SLC16A7: variants seen among roughly 807,000 people sequenced by gnomAD.
SLC16A7 encodes solute carrier family 16 member 7, also known as monocarboxylate transporter 2.
SLC16A7 carries 33 observed loss-of-function variants against 34.9 expected under a neutral mutation model. The ratio of observed to expected loss-of-function variants is 0.94; its 90% CI spans 0.72 to 1.26. The LOEUF is 1.26. SLC16A7 is among the 50% of genes most tolerant of loss of function. The pLI, the probability that SLC16A7 is intolerant of heterozygous loss-of-function variation, is 0.00. For synonymous variants in SLC16A7, 201 were observed against 206.6 expected (o/e 0.97, Z 0.23); for missense variants, 573 against 578.1 (o/e 0.99, Z 0.09).
intron 3 of SLC16A7, among the ~76,000 whole-genome samples, chr12:59,724,278 C>T (rs1875974669): frequency 6.6e-6 from 1 of 152,016 alleles, no homozygotes; most frequent in Admixed American, 6.6e-5. Context: ...GGCAACTTTT[C>T]ACCTTTCACA....
At chr12:59,646,759 G>C (rs1009206818) in intron 1 of SLC16A7, among the ~76,000 whole-genome samples, 1 of 152,176 alleles carries the variant, frequency 6.6e-6, no homozygotes, top group African/African-American at 2.4e-5. Context: ...CAGCCAGGAG[G>C]GGGGCTGTAC....
intron 1 of SLC16A7, among the ~76,000 whole-genome samples, chr12:59,643,529 A>G (rs1880778451): frequency 6.6e-6 from 1 of 152,200 alleles, no homozygotes; most frequent in South Asian, 2.1e-4. Context: ...CTGGCATTAG[A>G]AATATAAACA....
chr12:59,774,771 G>GTTCA lies in SLC16A7; in HGVS notation c.479_482dup (p.Leu161PhefsTer11). 1 of 1,613,976 alleles carries GTTCA rather than the reference G, an allele frequency of 6.2e-7. No individual in the cohort carries two copies. Among genetic ancestry groups the GTTCA allele is most frequent in the South Asian group, 1.1e-5 (1 of 91,074 alleles). On this transcript the variant is annotated frameshift_variant, in exon 5 of 6. Coordinates refer to ENST00000547379, the MANE Select transcript of SLC16A7 (RefSeq NM_001270623.2). LOFTEE classifies it high-confidence loss of function. Reference sequence around the variant, plus strand: ...ATGGCAGGAAGTCCTGTTTTCTTAAGTTCATTGGCTCCTTTCAATCAGTAC... The same window carrying GTTCA: ...ATGGCAGGAAGTCCTGTTTTCTTAAGTTCATTCATTGGCTCCTTTCAATCAGTAC...
chr12:59,754,019 C>T (rs564199320), intron 3 of SLC16A7, among the ~76,000 whole-genome samples: 2 of 152,036 alleles, frequency 1.3e-5, no homozygotes, highest in African/African-American at 2.4e-5. Context: ...GGGCACATAA[C>T]GAAATGAAGG....
In SLC16A7 at chr12:59,614,759, C is replaced by T. The variant is rs189264617; in HGVS notation, c.-130+18523C>T. Among the ~76,000 whole-genome samples, 234 of 129,262 alleles carry T rather than the reference C, an allele frequency of 1.8e-3. 1 individual carries two copies. Among genetic ancestry groups the T allele is most frequent in the African/African-American group, 6.4e-3 (217 of 34,086 alleles). The allele number at this position is 129,262 out of a possible 152,430, so 84.8% of individuals were successfully genotyped here. On this transcript the variant is annotated intron_variant, in intron 1 of 5. Transcript: ENST00000547379. ...CACCCAGCACTTTGGGAGGCCGAAG[C>T]GGGTGGATCACGAGGTCAGGAGATC...
chr12:59,661,737 A>G (rs755445990), intron 2 of SLC16A7, among the ~76,000 whole-genome samples: 22 of 151,922 alleles, frequency 1.4e-4, no homozygotes, highest in Non-Finnish European at 2.6e-4. Flanking sequence ...GGTTAGGACC[A>G]CCCTCCCCCA....
intron 1 of SLC16A7, among the ~76,000 whole-genome samples, chr12:59,598,357 A>C (rs979243135): frequency 2.6e-5 from 4 of 152,204 alleles, no homozygotes; most frequent in African/African-American, 9.6e-5. Flanking sequence ...GCTATATTTG[A>C]GCCCCTATAA....
intron 1 of SLC16A7, among the ~76,000 whole-genome samples, chr12:59,634,907 G>T (rs1054940614): frequency 1.3e-5 from 2 of 151,978 alleles, no homozygotes; most frequent in African/African-American, 2.4e-5. Context: ...AGGATGGAAG[G>T]GTAGAATGCA....
chr12:59,636,135 G>A (rs180987520), intron 1 of SLC16A7, among the ~76,000 whole-genome samples: 46 of 151,812 alleles, frequency 3.0e-4, no homozygotes, highest in East Asian at 2.1e-3. Flanking sequence ...TCATGAACTC[G>A]TGAGATAAAA....
At chr12:59,723,334 T>C (rs1875832764) in intron 3 of SLC16A7, among the ~76,000 whole-genome samples, 1 of 151,994 alleles carries the variant, frequency 6.6e-6, no homozygotes, top group Non-Finnish European at 1.5e-5. Flanking sequence ...TTTCATTTAA[T>C]AAACATGTAT....
intron 1 of SLC16A7, among the ~76,000 whole-genome samples, chr12:59,622,388 A>G (rs569014750): frequency 1.1e-3 from 165 of 151,948 alleles, no homozygotes; most frequent in African/African-American, 3.8e-3. Context: ...CTTTTATTTC[A>G]TCAACGAGAA....
At chr12:59,627,887 A>G (rs1879999126) in intron 1 of SLC16A7, among the ~76,000 whole-genome samples, 1 of 149,978 alleles carries the variant, frequency 6.7e-6, no homozygotes, top group South Asian at 2.1e-4. Flanking sequence ...CTATATATAG[A>G]CTATATAAAT....
chr12:59,761,330 G>A (rs968473686), intron 3 of SLC16A7: 2 of 344,424 alleles, frequency 5.8e-6, no homozygotes, highest in African/African-American at 2.2e-5. Flanking sequence ...CCAGTATTTG[G>A]ATTGGTAAAT....
intron 1 of SLC16A7, among the ~76,000 whole-genome samples, chr12:59,628,620 A>G (rs1434939434): frequency 6.6e-6 from 1 of 151,746 alleles, no homozygotes; most frequent in Non-Finnish European, 1.5e-5. Flanking sequence ...TGGTGAGGGA[A>G]AAAACACATC....
intron 3 of SLC16A7, among the ~76,000 whole-genome samples, chr12:59,746,968 G>C (rs145635116): frequency 6.6e-6 from 1 of 152,092 alleles, no homozygotes; most frequent in Non-Finnish European, 1.5e-5. Flanking sequence ...GGGTAGCTGG[G>C]ACTACAGGTG....
chr12:59,687,480 C>T (rs911943731), intron 2 of SLC16A7, among the ~76,000 whole-genome samples: 1 of 152,090 alleles, frequency 6.6e-6, no homozygotes. Flanking sequence ...TTTAACATAA[C>T]TTGCCATTTT....
chr12:59,719,853 T>C (rs1875362205), intron 3 of SLC16A7: 1 of 448,326 alleles, frequency 2.2e-6, no homozygotes, highest in East Asian at 3.6e-5. Context: ...AAAAGCTCCA[T>C]GGCCTCCCAC....
At chr12:59,670,498 A>G (rs946181704) in intron 2 of SLC16A7, among the ~76,000 whole-genome samples, 1 of 152,142 alleles carries the variant, frequency 6.6e-6, no homozygotes, top group African/African-American at 2.4e-5. Flanking sequence ...AACCATTCCA[A>G]CATCAATTCT....
At chr12:59,614,191 C>T (rs1879332800) in intron 1 of SLC16A7, among the ~76,000 whole-genome samples, 1 of 151,920 alleles carries the variant, frequency 6.6e-6, no homozygotes. Context: ...ACTGTGGCTA[C>T]ATGTGCTATT....
Sources: allele counts gnomAD v4.1 joint callset (sites outside exome capture counted in the v4.1 genomes callset), GRCh38; gene constraint gnomAD v4.1.1; transcripts MANE v1.5; gene names NCBI Gene and HGNC (gene_info 2026-07-23, HGNC 2026-07-21).